CHODL: variants seen among roughly 807,000 people sequenced by gnomAD.
CHODL encodes transmembrane protein MT75.
CHODL carries 29 observed loss-of-function variants against 34.5 expected under a neutral mutation model. That is an observed-to-expected ratio of 0.84 (90% CI 0.63 to 1.15). The LOEUF (loss-of-function observed/expected upper bound fraction) is 1.15. Among genes scored for constraint, CHODL ranks in the 50% most tolerant of loss-of-function variants. The pLI is 0.00. For synonymous variants in CHODL, 125 were observed against 116.1 expected (o/e 1.08, Z -0.49); for missense variants, 332 against 332.5 (o/e 1.00, Z 0.01).
At chr21:17,932,978 G>A (rs1056738890) in intron 1 of CHODL, among the ~76,000 whole-genome samples, 2 of 152,188 alleles carry the variant, frequency 1.3e-5, no homozygotes, top group East Asian at 1.9e-4. Flanking sequence ...AGATAAACAC[G>A]TGAGGGAAGG....
At chr21:18,027,467 C>T (rs910224104) in intron 1 of CHODL, among the ~76,000 whole-genome samples, 1 of 152,062 alleles carries the variant, frequency 6.6e-6, no homozygotes, top group Non-Finnish European at 1.5e-5. Flanking sequence ...TGTAGTTACA[C>T]AGAAGAATCA....
chr21:18,122,781 G>C (rs2065495890), intron 2 of CHODL, among the ~76,000 whole-genome samples: 1 of 152,196 alleles, frequency 6.6e-6, no homozygotes, highest in South Asian at 2.1e-4. Context: ...CTGTAATCTT[G>C]AACAGTGATG....
chr21:18,155,020 T>G lies in CHODL; in HGVS notation c.-44-101489T>G, dbSNP rs140167921. Among the ~76,000 whole-genome samples, 1,518 of 152,286 alleles carry G rather than the reference T, an allele frequency of 1.0e-2. 17 individuals carry two copies. The highest frequency in any genetic ancestry group is 0.033 in the African/African-American group (1,371 of 41,552). Reference sequence around the variant, plus strand: ...TGTGACCTGAAAGACAAACTTGAATTAATGCCACAGGGAATTAGGGAATTG... The same window carrying G: ...TGTGACCTGAAAGACAAACTTGAATGAATGCCACAGGGAATTAGGGAATTG... On this transcript the variant is annotated intron_variant, in intron 2 of 6. Coordinates refer to the CHODL transcript ENST00000400127.
chr21:18,127,789 C>T (rs1451559839), intron 2 of CHODL, among the ~76,000 whole-genome samples: 1 of 144,882 alleles, frequency 6.9e-6, no homozygotes, highest in Non-Finnish European at 1.5e-5. Context: ...CTCAGAGTCT[C>T]ACAAAACTGC....
intron 1 of CHODL, among the ~76,000 whole-genome samples, chr21:17,981,523 G>A (rs1050622430): frequency 1.6e-4 from 24 of 152,272 alleles, no homozygotes; most frequent in African/African-American, 4.3e-4. Context: ...GTTAAGTCTT[G>A]CAAATGTCAG....
intron 2 of CHODL, among the ~76,000 whole-genome samples, chr21:18,071,259 G>A (rs1555860649): frequency 1.4e-5 from 2 of 148,032 alleles, no homozygotes; most frequent in Non-Finnish European, 3.0e-5. Context: ...TGATTCTCCC[G>A]CCACAGCCTC....
At chr21:18,078,041 T>G (rs1188818735) in intron 2 of CHODL, among the ~76,000 whole-genome samples, 2 of 152,170 alleles carry the variant, frequency 1.3e-5, no homozygotes, top group Non-Finnish European at 2.9e-5. Flanking sequence ...TAATTCAGGG[T>G]CTGCCATTTA....
intron 1 of CHODL, among the ~76,000 whole-genome samples, chr21:17,941,148 C>A (rs1173876263): frequency 6.6e-6 from 1 of 152,118 alleles, no homozygotes; most frequent in Non-Finnish European, 1.5e-5. Flanking sequence ...TTCTAATACT[C>A]ATCTACTTGG....
chr21:18,099,499 TAAA>T (rs567804725), intron 2 of CHODL, among the ~76,000 whole-genome samples: 209 of 151,766 alleles, frequency 1.4e-3, no homozygotes, highest in African/African-American at 4.8e-3. Flanking sequence ...ATTTAAAAAA[TAAA>T]AAGAACTACC....
At chr21:17,985,834 A>T (rs1216388293) in intron 1 of CHODL, among the ~76,000 whole-genome samples, 1 of 152,166 alleles carries the variant, frequency 6.6e-6, no homozygotes, top group Non-Finnish European at 1.5e-5. Flanking sequence ...CTTAAATAGC[A>T]AATATTTATT....
intron 2 of CHODL, among the ~76,000 whole-genome samples, chr21:18,097,592 T>C (rs944330105): frequency 1.3e-5 from 2 of 152,058 alleles, no homozygotes; most frequent in African/African-American, 4.8e-5. Flanking sequence ...TGAAAAGACA[T>C]TTCATGTTCA....
chr21:18,127,390 T>C (rs1186280040), intron 2 of CHODL, among the ~76,000 whole-genome samples: 1 of 152,152 alleles, frequency 6.6e-6, no homozygotes, highest in Non-Finnish European at 1.5e-5. Flanking sequence ...GTTGATTTTC[T>C]GTCTGGGGCA....
rs538583638 is a variant in CHODL at position 18,011,403 on chromosome 21, G to A, written c.-144-16469G>A. Among the ~76,000 whole-genome samples, 3 of 152,298 alleles carry A rather than the reference G, an allele frequency of 2.0e-5. No individual in the cohort carries two copies. The East Asian group carries it at 5.8e-4, about 29-fold the overall frequency. On this transcript the variant is annotated intron_variant, in intron 1 of 6. Coordinates refer to the CHODL transcript ENST00000400127. The stretch of plus-strand genomic sequence containing the variant: ...ATGGGAGATAAATGAGTATTTTAAA[G>A]CAAAATCTGAAGCTTGGGTTTTGAA...
At chr21:17,994,179 C>T (rs2063825482) in intron 1 of CHODL, among the ~76,000 whole-genome samples, 1 of 151,924 alleles carries the variant, frequency 6.6e-6, no homozygotes, top group African/African-American at 2.4e-5. Context: ...TATCTAGTTC[C>T]TTGAGGTGCT....
intron 2 of CHODL, among the ~76,000 whole-genome samples, chr21:18,042,737 T>C (rs921339550): frequency 2.0e-5 from 3 of 151,954 alleles, no homozygotes; most frequent in Non-Finnish European, 4.4e-5. Context: ...AGAAATTCTC[T>C]TGCGCAGAAG....
chr21:17,963,687 A>G (rs1219371461), intron 1 of CHODL, among the ~76,000 whole-genome samples: 2 of 152,212 alleles, frequency 1.3e-5, no homozygotes, highest in African/African-American at 2.4e-5. Context: ...GGATGTAGCC[A>G]AACCATATCA....
At chr21:18,252,518 C>T (rs1235061820) in intron 1 of CHODL, among the ~76,000 whole-genome samples, 2 of 152,046 alleles carry the variant, frequency 1.3e-5, no homozygotes, top group Non-Finnish European at 2.9e-5. Flanking sequence ...ATGTGATCAG[C>T]TGAAAGAGTG....
intron 2 of CHODL, among the ~76,000 whole-genome samples, chr21:18,094,959 A>T (rs999345675): frequency 2.6e-5 from 4 of 152,022 alleles, no homozygotes; most frequent in African/African-American, 9.7e-5. Context: ...CCCCATCTCT[A>T]CTAAAAATAA....
chr21:17,982,092 C>T (rs1003289033), intron 1 of CHODL, among the ~76,000 whole-genome samples: 2 of 152,216 alleles, frequency 1.3e-5, no homozygotes, highest in East Asian at 1.9e-4. Flanking sequence ...AGTAATTCTA[C>T]ATCACATCAG....
Sources: gnomAD v4.1 joint callset for allele counts (sites outside exome capture counted in the v4.1 genomes callset) on GRCh38, gnomAD v4.1.1 for gene constraint, MANE v1.5 for transcripts, NCBI Gene and HGNC (gene_info 2026-07-23, HGNC 2026-07-21) for gene names.